The following PEX14 variants were observed in gnomAD, a reference collection of about 807,000 sequenced individuals.
The protein encoded by PEX14 is peroxisomal biogenesis factor 14, also known as peroxisomal membrane protein PEX14.
A neutral mutation model predicts 49.5 loss-of-function variants in PEX14; 15 were observed. The observed-to-expected ratio is 0.30, with a 90% CI of 0.20 to 0.47. The LOEUF is 0.47. PEX14 is among the 20% of genes least tolerant of loss of function. The pLI, the probability that PEX14 is intolerant of heterozygous loss-of-function variation, is 1.00. For missense variants in PEX14, 398 were observed against 494.8 expected, an observed-to-expected ratio of 0.80 and a Z score of 1.86; for synonymous variants, 210 against 212.7, an observed-to-expected ratio of 0.99 and a Z score of 0.11.
chr1:10,618,705 G>T (rs1218676454), intron 5 of PEX14, among the ~76,000 whole-genome samples: 15 of 152,236 alleles, frequency 9.9e-5, no homozygotes, highest in Admixed American at 9.8e-4. Context: ...GCCCATGTCA[G>T]GCACTTACAG....
intron 1 of PEX14, among the ~76,000 whole-genome samples, chr1:10,480,836 TC>T (rs1290059807): frequency 1.4e-5 from 2 of 140,966 alleles, no homozygotes; most frequent in African/African-American, 5.8e-5. Context: ...AGTCTCTCTC[TC>T]TCTTTCTCTC....
At chr1:10,569,269 A>T (rs1279465751) in intron 3 of PEX14, among the ~76,000 whole-genome samples, 1 of 151,492 alleles carries the variant, frequency 6.6e-6, no homozygotes. Context: ...CTTTTGTAAA[A>T]TTTTTTTTTC....
At chr1:10,497,385 T>C (rs1251552279) in intron 2 of PEX14, among the ~76,000 whole-genome samples, 9 of 152,340 alleles carry the variant, frequency 5.9e-5, no homozygotes, top group Non-Finnish European at 7.3e-5. Flanking sequence ...AGTCAGCCCT[T>C]CCACAGGGAG....
intron 1 of PEX14, among the ~76,000 whole-genome samples, chr1:10,491,013 T>C (rs1260706348): frequency 3.3e-5 from 5 of 151,348 alleles, no homozygotes; most frequent in Non-Finnish European, 7.4e-5. Flanking sequence ...TTTTTTTTTT[T>C]AATCATGGAC....
At chr1:10,489,312 A>G (rs939736582) in intron 1 of PEX14, among the ~76,000 whole-genome samples, 16 of 152,148 alleles carry the variant, frequency 1.1e-4, no homozygotes, top group Admixed American at 2.0e-4. Context: ...GATGCTGGAT[A>G]TTGTGAGTTC....
intron 2 of PEX14, among the ~76,000 whole-genome samples, chr1:10,518,515 T>TA (rs1329838966): frequency 6.6e-6 from 1 of 152,204 alleles, no homozygotes; most frequent in Non-Finnish European, 1.5e-5. Context: ...GCTCTTTTCT[T>TA]ACATTCTTGT....
chr1:10,490,368 C>T (rs1641450107), intron 1 of PEX14, among the ~76,000 whole-genome samples: 1 of 152,152 alleles, frequency 6.6e-6, no homozygotes, highest in Non-Finnish European at 1.5e-5. Flanking sequence ...TTCTCCTAGA[C>T]CTGGAGCTTT....
intron 3 of PEX14, among the ~76,000 whole-genome samples, chr1:10,578,838 G>A (rs2124565522): frequency 6.6e-6 from 1 of 152,138 alleles, no homozygotes; most frequent in East Asian, 1.9e-4. Context: ...GGAAGCATCA[G>A]TGAACCTGAA....
chr1:10,629,825 G>C lies in PEX14; in HGVS notation c.972G>C (p.Glu324Asp). 1 of 1,599,282 alleles carries C rather than the reference G, an allele frequency of 6.3e-7. No homozygotes were observed. The highest frequency in any genetic ancestry group is 1.3e-5 in the African/African-American group (1 of 74,752). Residue 324 changes from glutamate to aspartate, a missense_variant, in exon 9 of 9, where the codon GAG (glutamate) becomes GAC (aspartate). By Grantham distance (45) the Glu-to-Asp change is conservative (BLOSUM62 2). Transcript: ENST00000356607. This position sits in a 1 kb window ranked among gnomAD's most constrained non-coding sequence, Gnocchi z 8.5. The stretch of plus-strand genomic sequence containing the variant: ...AGGAGGAGAAGAGGGAGGACAAGGA[G>C]GACGAGGAGGATGAGGAGGATGATG... ...QGEEEKREDKEDEEDEEDDDV... is the reference protein window; with the variant it reads ...QGEEEKREDKDDEEDEEDDDV...
intron 3 of PEX14, among the ~76,000 whole-genome samples, chr1:10,554,979 T>A (rs1389298178): frequency 2.0e-5 from 3 of 152,150 alleles, no homozygotes; most frequent in African/African-American, 4.8e-5. Flanking sequence ...AAGTTGCTTC[T>A]CTAGAGGCAT....
chr1:10,486,267 T>C (rs1436686851), intron 1 of PEX14, among the ~76,000 whole-genome samples: 1 of 152,228 alleles, frequency 6.6e-6, no homozygotes, highest in Non-Finnish European at 1.5e-5. Context: ...GAAATATTTT[T>C]AGTCTTCTAC....
At chr1:10,541,626 T>C (rs1459664061) in intron 3 of PEX14, among the ~76,000 whole-genome samples, 1 of 152,204 alleles carries the variant, frequency 6.6e-6, no homozygotes, top group Non-Finnish European at 1.5e-5. Context: ...ACCGTCTTCC[T>C]TCCCTGCCAG....
rs552667840 is a variant in PEX14 at position 10,605,940 on chromosome 1, C to T, written c.298+6574C>T. 3.9e-5 allele frequency among the ~76,000 whole-genome samples: 6 copies of T among 152,224 alleles called. No homozygotes were observed. The East Asian group carries it at 1.2e-3, about 29-fold the overall frequency. ...GTGCCACATGGGGGCTGAATAAATG[C>T]CATTCGCGGATGTTGAAGAGGGTAA... On this transcript the variant is annotated intron_variant, in intron 4 of 8. Coordinates refer to ENST00000356607, the MANE Select transcript of PEX14 (RefSeq NM_004565.3).
chr1:10,500,531 C>T (rs1213737874), intron 2 of PEX14, among the ~76,000 whole-genome samples: 1 of 151,976 alleles, frequency 6.6e-6, no homozygotes, highest in East Asian at 1.9e-4. Context: ...GTGTACTTGT[C>T]GGCAGGTTCA....
chr1:10,575,269 A>G (rs554259289), intron 3 of PEX14, among the ~76,000 whole-genome samples: 1 of 152,326 alleles, frequency 6.6e-6, no homozygotes, highest in Admixed American at 6.5e-5. Context: ...AAGTATATAA[A>G]GCGAAAGCTA....
intron 3 of PEX14, among the ~76,000 whole-genome samples, chr1:10,542,320 T>C (rs1261376521): frequency 6.6e-6 from 1 of 152,208 alleles, no homozygotes; most frequent in Non-Finnish European, 1.5e-5. Context: ...CACGAATGCT[T>C]TCTAAATACA....
At chr1:10,599,132 G>A (rs1640909193) in intron 3 of PEX14, 106 bp from the exon 4 acceptor site, 1 of 1,155,224 alleles carries the variant, frequency 8.7e-7, no homozygotes, top group Non-Finnish European at 1.3e-6. Context: ...TTACTAGGAT[G>A]CGAGGCATTC....
chr1:10,615,752 G>A (rs377536433), intron 4 of PEX14, among the ~76,000 whole-genome samples: 1 of 152,212 alleles, frequency 6.6e-6, no homozygotes, highest in East Asian at 1.9e-4. Flanking sequence ...GGTGCCCATC[G>A]GAGGGCAGGT....
At chr1:10,625,456 T>C (rs758259440) in intron 7 of PEX14, among the ~76,000 whole-genome samples, 3 of 152,200 alleles carry the variant, frequency 2.0e-5, no homozygotes, top group Non-Finnish European at 4.4e-5. Flanking sequence ...CTCAGATCTT[T>C]TGCATTTGCA....
Sources: allele counts gnomAD v4.1 joint callset (sites outside exome capture counted in the v4.1 genomes callset), GRCh38; gene constraint gnomAD v4.1.1; non-coding constraint Gnocchi (gnomAD v3.1); transcripts MANE v1.5; gene names NCBI Gene and HGNC (gene_info 2026-07-23, HGNC 2026-07-21).